The following DIAPH1 variants were observed in gnomAD, a reference collection of about 807,000 sequenced individuals.
DIAPH1 encodes protein diaphanous homolog 1.
DIAPH1 carries 46 observed loss-of-function variants against 140.7 expected under a neutral mutation model. The observed-to-expected ratio is 0.33, with a 90% confidence interval of 0.26 to 0.42. DIAPH1 has a LOEUF of 0.42. Among genes scored for constraint, DIAPH1 ranks in the 10% least tolerant of loss-of-function variants. DIAPH1 has a pLI of 1.00. For missense variants in DIAPH1, 1,310 were observed against 1,558.7 expected (o/e 0.84, Z 2.69); for synonymous variants, 565 against 551.6 (o/e 1.02, Z -0.34).
intron 1 of DIAPH1, among the ~76,000 whole-genome samples, chr5:141,614,802 G>A (rs1437856004): frequency 2.4e-5 from 3 of 125,936 alleles, no homozygotes; most frequent in African/African-American, 6.8e-5. Context: ...TAATCCTTGC[G>A]TTCATCATCT....
intron 27 of DIAPH1, 35 bp downstream of exon 27, chr5:141,524,108 T>C (rs1234537306): frequency 1.3e-6 from 2 of 1,597,678 alleles, no homozygotes; most frequent in Admixed American, 3.3e-5. Flanking sequence ...CTCACCCCCT[T>C]CGACACCCAG....
At chr5:141,578,713 A>G (rs1184967826) in intron 9 of DIAPH1, 88 bp from the exon 10 acceptor site, 21 of 971,556 alleles carry the variant, frequency 2.2e-5, no homozygotes, top group Non-Finnish European at 3.1e-5. Context: ...TAGGTCCCCA[A>G]TACAACCTGA....
At chr5:141,580,670 A>AGTT (rs2099896620) in intron 8 of DIAPH1, 74 bp downstream of exon 8, 16 of 1,511,970 alleles carry the variant, frequency 1.1e-5, no homozygotes, top group Non-Finnish European at 1.5e-5. Context: ...CACCCAACCA[A>AGTT]CTCAATTGTC....
chr5:141,603,626 G>C, intron 1 of DIAPH1, among the ~76,000 whole-genome samples: 1 of 152,110 alleles, frequency 6.6e-6, no homozygotes, highest in East Asian at 1.9e-4. Flanking sequence ...TCAATAATTT[G>C]CTTATAAATT....
At chr5:141,517,071 T>TAC in intron 27 of DIAPH1, 63 bp from the exon 28 acceptor site, 1 of 1,590,626 alleles carries the variant, frequency 6.3e-7, no homozygotes, top group Non-Finnish European at 8.6e-7. Context: ...TTTCAAACTC[T>TAC]ACAGCAGATA....
At chr5:141,532,409 A>G (rs1201127946) in intron 19 of DIAPH1, among the ~76,000 whole-genome samples, 1 of 152,098 alleles carries the variant, frequency 6.6e-6, no homozygotes, top group Non-Finnish European at 1.5e-5. Context: ...GTCTCAAGCA[A>G]TCTTCCCACC....
chr5:141,529,408 G>A, intron 20 of DIAPH1, 135 bp from the exon 21 acceptor site: 2 of 905,004 alleles, frequency 2.2e-6, no homozygotes, highest in South Asian at 2.8e-5. Flanking sequence ...GGAGAAGAGA[G>A]GCAGCTACTG....
chr5:141,529,763 A>G (rs1246378879), intron 19 of DIAPH1, 66 bp from the exon 20 acceptor site: 4 of 1,383,666 alleles, frequency 2.9e-6, no homozygotes, highest in Non-Finnish European at 4.1e-6. Context: ...CCCATCCTGC[A>G]AACCTATGCT....
At chr5:141,608,928 C>A (rs2099901371) in intron 1 of DIAPH1, among the ~76,000 whole-genome samples, 1 of 152,168 alleles carries the variant, frequency 6.6e-6, no homozygotes, top group South Asian at 2.1e-4. Context: ...ATTGTTACCA[C>A]TACTTGTGGC....
At position 141,574,378 on chromosome 5, in the gene DIAPH1, A is replaced by G. The variant is rs539931535; in HGVS notation, c.1642-170T>C. ...CTAAAGTCACACGGCTTGGCAGCAG[A>G]GCCAAAACTAGAATTCAGGTTTTCA... On this transcript the variant is annotated intron_variant, in intron 15 of 27. Transcript: ENST00000389054. 2.0e-5 allele frequency among the ~76,000 whole-genome samples: 3 copies of G among 152,342 alleles called. No homozygotes were observed. The East Asian group carries it at 5.8e-4, about 29-fold the overall frequency.
At chr5:141,576,144 G>C (rs993673917) in intron 14 of DIAPH1, 86 bp downstream of exon 14, 1 of 1,176,358 alleles carries the variant, frequency 8.5e-7, no homozygotes, top group Admixed American at 1.7e-5. Context: ...AAATACCACA[G>C]AGGAAAACTG....
At chr5:141,555,022 CT>C (rs1197491445) in intron 18 of DIAPH1, among the ~76,000 whole-genome samples, 1 of 152,094 alleles carries the variant, frequency 6.6e-6, no homozygotes, top group Admixed American at 6.5e-5. Flanking sequence ...GTCTCAGACC[CT>C]GATTACATGA....
intron 1 of DIAPH1, among the ~76,000 whole-genome samples, chr5:141,593,159 T>A (rs1267640418): frequency 6.6e-6 from 1 of 152,102 alleles, no homozygotes; most frequent in African/African-American, 2.4e-5. Context: ...TTAGGAATAA[T>A]TGGCACCAGA....
At chr5:141,556,285 G>C (rs1166023625) in intron 18 of DIAPH1, among the ~76,000 whole-genome samples, 3 of 151,990 alleles carry the variant, frequency 2.0e-5, no homozygotes, top group Non-Finnish European at 2.9e-5. Flanking sequence ...AGTCTTACCA[G>C]GGAGAAAGCT....
In DIAPH1 at chr5:141,516,966, G is replaced by C. The variant is rs761387295; in HGVS notation, c.3704C>G (p.Ser1235Trp). 7 of 1,614,096 alleles carry C rather than the reference G, an allele frequency of 4.3e-6. No homozygotes were observed. The highest frequency in any genetic ancestry group is 5.9e-6 in the Non-Finnish European group (7 of 1,180,048). ...CATGGCATCATCCTTGGTCAGCTCC[G>C]AAGCTAGCAGAGATGTGACTGCACA... ...AGCAVTSLLA[S>W]ELTKDDAMAA... The change falls in exon 28 of 28, where the codon TCG becomes TGG. Residue 1235 changes from serine (S) to tryptophan (W), a missense_variant. Ser to Trp is a radical substitution (Grantham distance 177). Around this residue, in one of 3 missense-constraint regions of DIAPH1, gnomAD observed 344 missense variants for 512.2 expected, o/e 0.67. Transcript: ENST00000389054.
chr5:141,604,350 T>G (rs2099900609), intron 1 of DIAPH1, among the ~76,000 whole-genome samples: 1 of 152,204 alleles, frequency 6.6e-6, no homozygotes, highest in African/African-American at 2.4e-5. Flanking sequence ...CTTCAAATAT[T>G]GATACTTGCT....
intron 18 of DIAPH1, among the ~76,000 whole-genome samples, chr5:141,556,292 A>C (rs1244627939): frequency 6.6e-6 from 1 of 152,142 alleles, no homozygotes; most frequent in Admixed American, 6.5e-5. Flanking sequence ...CCAGGGAGAA[A>C]GCTGCTACTT....
At chr5:141,549,906 T>C (rs1208367437) in intron 18 of DIAPH1, among the ~76,000 whole-genome samples, 2 of 152,128 alleles carry the variant, frequency 1.3e-5, no homozygotes, top group South Asian at 2.1e-4. Flanking sequence ...GTAAACAGAC[T>C]ACACACTCTG....
At chr5:141,526,522 C>T in intron 24 of DIAPH1, 61 bp from the exon 25 acceptor site, 1 of 1,599,432 alleles carries the variant, frequency 6.3e-7, no homozygotes, top group Non-Finnish European at 8.6e-7. Context: ...TTCTCTAGCC[C>T]AAGGAATTAC....
Sources: allele counts gnomAD v4.1 joint callset (sites outside exome capture counted in the v4.1 genomes callset), GRCh38; gene constraint gnomAD v4.1.1; regional missense constraint gnomAD v4.1.1; transcripts MANE v1.5; gene names NCBI Gene and HGNC (gene_info 2026-07-23, HGNC 2026-07-21).